Variants in KANSL2 observed in about 807,000 individuals in gnomAD.
KANSL2 encodes KAT8 regulatory NSL complex subunit 2.
In KANSL2, 34 loss-of-function variants were observed where a neutral mutation model predicts 55.6. That is an observed-to-expected ratio of 0.61 (90% confidence interval 0.46 to 0.81). KANSL2 has a LOEUF of 0.81. Among genes scored for constraint, KANSL2 ranks in the 40% least tolerant of loss-of-function variants. The pLI, the probability that KANSL2 is intolerant of heterozygous loss-of-function variation, is 0.00. For missense variants in KANSL2, 502 were observed against 609.9 expected (o/e 0.82, Z 1.86); for synonymous variants, 209 against 214.3 (o/e 0.98, Z 0.22).
intron 1 of KANSL2, 148 bp downstream of exon 1, chr12:48,682,039 T>A: frequency 1.4e-6 from 1 of 702,994 alleles, no homozygotes. Context: ...ACGGCTCCAG[T>A]CACCGGAGAT....
At chr12:48,664,709 T>C (rs1052139400) in intron 7 of KANSL2, among the ~76,000 whole-genome samples, 4 of 149,804 alleles carry the variant, frequency 2.7e-5, no homozygotes, top group Non-Finnish European at 5.9e-5. Context: ...GCCTCCCAAG[T>C]AGCAAGGATT....
At chr12:48,662,432 G>C in intron 7 of KANSL2, 1 of 953,134 alleles carries the variant, frequency 1.0e-6, no homozygotes, top group Non-Finnish European at 1.3e-6. Context: ...GGAATTCAAA[G>C]GACTTTCACA....
chr12:48,655,253 A>T (rs1296667903), intron 8 of KANSL2, among the ~76,000 whole-genome samples, 193 bp from the exon 9 acceptor site: 14 of 152,192 alleles, frequency 9.2e-5, no homozygotes, highest in Admixed American at 8.5e-4. Context: ...TTTGCTGCCA[A>T]GTGTAAAACA....
At position 48,654,146 on chromosome 12, in the gene KANSL2, G is replaced by A. The variant is rs779189374; in HGVS notation, c.1377C>T (p.Cys459=). ...CAGAATTTCGAGATCCCTGGGATCT[G>A]CACCCATCTCCAGCCATCTGCATCT... ...LGQMQMAGDG[C]RSQGSRNSEK... Residue 459 remains cysteine (C), a synonymous_variant, in exon 10 of 10, where the codon TGC becomes TGT. Transcript: ENST00000420613. 25 of 1,611,722 alleles carry A rather than the reference G, an allele frequency of 1.6e-5. No homozygotes were observed. Among genetic ancestry groups the A allele is most frequent in the Non-Finnish European group, 1.9e-5 (22 of 1,179,106 alleles).
chr12:48,664,373 A>G (rs35717253), intron 7 of KANSL2, among the ~76,000 whole-genome samples: 87,982 of 149,598 alleles, frequency 0.59, 26,087 homozygotes, highest in East Asian at 0.77. Context: ...TCCGCCTCCC[A>G]AGTTCATGCC....
intron 2 of KANSL2, among the ~76,000 whole-genome samples, chr12:48,680,332 C>T (rs1040952347): frequency 3.9e-5 from 6 of 152,138 alleles, no homozygotes; most frequent in Non-Finnish European, 7.4e-5. Flanking sequence ...GTGGGGACTA[C>T]ATGTCCACGC....
Sources: allele counts gnomAD v4.1 joint callset (sites outside exome capture counted in the v4.1 genomes callset), GRCh38; gene constraint gnomAD v4.1.1; transcripts MANE v1.5; gene names NCBI Gene and HGNC (gene_info 2026-07-23, HGNC 2026-07-21).